Variants in OPCML observed in about 807,000 individuals in gnomAD.
OPCML encodes the protein opioid binding protein/cell adhesion molecule like.
OPCML carries 13 observed loss-of-function variants against 37.8 expected under a neutral mutation model. The observed-to-expected ratio is 0.34, with a 90% CI of 0.22 to 0.55. The LOEUF is 0.55. Ranked by LOEUF, OPCML falls within the 20% of genes least tolerant of loss-of-function variation. The pLI is 0.91. For synonymous variants in OPCML, 176 were observed against 168.8 expected (o/e 1.04, Z -0.33); for missense variants, 341 against 435.6 (o/e 0.78, Z 1.93).
chr11:132,812,209 G>A (rs1591642775), intron 2 of OPCML, among the ~76,000 whole-genome samples: 2 of 152,112 alleles, frequency 1.3e-5, no homozygotes, highest in South Asian at 4.1e-4. Flanking sequence ...GGGATGAAGA[G>A]CACTAAACTT....
At position 133,246,837 on chromosome 11, in the gene OPCML, G is replaced by T. The variant is rs186529422; in HGVS notation, c.61+285427C>A. Among the ~76,000 whole-genome samples, 7 of 152,318 alleles carry T rather than the reference G, an allele frequency of 4.6e-5. No individual in the cohort carries two copies. The East Asian group carries it at 1.3e-3, about 29-fold the overall frequency. On this transcript the variant is annotated intron_variant, in intron 1 of 7. Coordinates refer to ENST00000524381, the MANE Select transcript of OPCML (RefSeq NM_001012393.5). ...TTGTAATGATAGTACCAGTGGGAAT[G>T]GTCAGTAGAAGACAAATTAAAACCT...
chr11:133,068,325 T>C (rs1471499991), intron 1 of OPCML, among the ~76,000 whole-genome samples: 3 of 152,188 alleles, frequency 2.0e-5, no homozygotes, highest in Non-Finnish European at 4.4e-5. Context: ...TTTTCCTTAA[T>C]AGATCAGAAG....
At chr11:132,469,637 T>C (rs1182352003) in intron 4 of OPCML, among the ~76,000 whole-genome samples, 2 of 125,448 alleles carry the variant, frequency 1.6e-5, no homozygotes, top group East Asian at 2.6e-4. Context: ...TGTGTGTGTA[T>C]GTGTGTGGGG....
At chr11:133,402,511 A>G (rs1466349154) in intron 1 of OPCML, among the ~76,000 whole-genome samples, 3 of 152,222 alleles carry the variant, frequency 2.0e-5, no homozygotes, top group Non-Finnish European at 4.4e-5. Context: ...ATAGATGATC[A>G]GGATGATCAG....
intron 7 of OPCML, among the ~76,000 whole-genome samples, chr11:132,433,695 G>T (rs1288204465): frequency 1.3e-5 from 2 of 152,162 alleles, no homozygotes; most frequent in Non-Finnish European, 2.9e-5. Flanking sequence ...GGTCATAAGG[G>T]TGGGACCCTG....
chr11:132,472,431 G>A (rs1350360805), intron 4 of OPCML, among the ~76,000 whole-genome samples: 3 of 152,188 alleles, frequency 2.0e-5, no homozygotes, highest in South Asian at 2.1e-4. Flanking sequence ...CCTACGGAAG[G>A]CTCATTATGA....
intron 3 of OPCML, among the ~76,000 whole-genome samples, chr11:132,611,259 G>T (rs1244535901): frequency 6.6e-6 from 1 of 152,180 alleles, no homozygotes; most frequent in African/African-American, 2.4e-5. Flanking sequence ...ACACAGAAAT[G>T]AATAAGGAGA....
intron 1 of OPCML, among the ~76,000 whole-genome samples, chr11:133,471,140 G>T (rs1230445928): frequency 6.6e-6 from 1 of 152,174 alleles, no homozygotes; most frequent in Non-Finnish European, 1.5e-5. Flanking sequence ...GAAATGAGTA[G>T]TTCAGAAAAC....
At chr11:133,145,286 G>GGACATTTACGAGGAGAT (rs1225967914) in intron 1 of OPCML, among the ~76,000 whole-genome samples, 1 of 152,114 alleles carries the variant, frequency 6.6e-6, no homozygotes, top group African/African-American at 2.4e-5. Flanking sequence ...CCATATCACA[G>GGACATTTACGAGGAGAT]GACATTTACG....
intron 2 of OPCML, among the ~76,000 whole-genome samples, chr11:132,816,523 G>A (rs1939648643): frequency 6.6e-6 from 1 of 152,120 alleles, no homozygotes; most frequent in Admixed American, 6.5e-5. Flanking sequence ...CTTATTTTAT[G>A]TGTTATACAA....
intron 1 of OPCML, among the ~76,000 whole-genome samples, chr11:133,130,175 T>C (rs1206168193): frequency 6.6e-6 from 1 of 151,488 alleles, no homozygotes; most frequent in Non-Finnish European, 1.5e-5. Flanking sequence ...AAATACTAGA[T>C]AAGAATAATG....
At chr11:133,209,775 C>T (rs890696134) in intron 1 of OPCML, among the ~76,000 whole-genome samples, 1 of 152,146 alleles carries the variant, frequency 6.6e-6, no homozygotes, top group Non-Finnish European at 1.5e-5. Context: ...AAGAAATGAG[C>T]CCAGACTGTA....
At chr11:132,852,731 G>A (rs1941868877) in intron 2 of OPCML, among the ~76,000 whole-genome samples, 1 of 152,106 alleles carries the variant, frequency 6.6e-6, no homozygotes. Context: ...CTTGACTCCT[G>A]AGTACACATT....
chr11:132,487,005 A>T (rs2096202033), intron 4 of OPCML, among the ~76,000 whole-genome samples: 1 of 152,234 alleles, frequency 6.6e-6, no homozygotes, highest in Non-Finnish European at 1.5e-5. Context: ...GTAGTTGAAT[A>T]AATGATAATG....
At chr11:133,481,034 A>G (rs34535092) in intron 1 of OPCML, among the ~76,000 whole-genome samples, 21,716 of 152,250 alleles carry the variant, frequency 0.14, 1,730 homozygotes, top group Admixed American at 0.21. Flanking sequence ...GGCCAGGCCT[A>G]TGTAGACATA....
chr11:133,020,212 G>C (rs180726346), intron 1 of OPCML, among the ~76,000 whole-genome samples: 1 of 152,206 alleles, frequency 6.6e-6, no homozygotes, highest in African/African-American at 2.4e-5. Flanking sequence ...AATATACGTA[G>C]AAAGACAGTT....
intron 1 of OPCML, among the ~76,000 whole-genome samples, chr11:133,260,089 C>A (rs1343552692): frequency 1.3e-5 from 2 of 151,256 alleles, no homozygotes; most frequent in Non-Finnish European, 2.9e-5. Context: ...CAGCAATGAC[C>A]CCCAAAATAT....
At chr11:133,271,494 G>A (rs1941830866) in intron 1 of OPCML, among the ~76,000 whole-genome samples, 2 of 152,146 alleles carry the variant, frequency 1.3e-5, no homozygotes, top group South Asian at 4.1e-4. Flanking sequence ...TATCATCATA[G>A]CCATCAATAA....
At chr11:132,608,940 C>T (rs1938470058) in intron 3 of OPCML, among the ~76,000 whole-genome samples, 1 of 152,212 alleles carries the variant, frequency 6.6e-6, no homozygotes, top group East Asian at 1.9e-4. Context: ...CTTTTCATTG[C>T]CACCACTTTG....
Sources: gnomAD v4.1 joint callset for allele counts (sites outside exome capture counted in the v4.1 genomes callset) on GRCh38, gnomAD v4.1.1 for gene constraint, MANE v1.5 for transcripts, NCBI Gene and HGNC (gene_info 2026-07-23, HGNC 2026-07-21) for gene names.